The following FRMPD3 variants were observed in gnomAD, a reference collection of about 807,000 sequenced individuals.
FRMPD3 encodes FERM and PDZ domain-containing protein 3.
A neutral mutation model predicts 97.9 loss-of-function variants in FRMPD3; 42 were observed. The observed-to-expected ratio is 0.43, with a 90% CI of 0.34 to 0.55. FRMPD3 has a LOEUF of 0.55. Among genes scored for constraint, FRMPD3 ranks in the 20% least tolerant of loss-of-function variants. FRMPD3 has a pLI of 0.03. For synonymous variants in FRMPD3, 577 were observed against 581.1 expected, an observed-to-expected ratio of 0.99 and a Z score of 0.10; for missense variants, 1,303 against 1,457.7, an observed-to-expected ratio of 0.89 and a Z score of 1.73.
chrX:107,462,618 G>C (rs1170873356), intron 1 of FRMPD3, among the ~76,000 whole-genome samples: 1 of 111,792 alleles, frequency 8.9e-6, no homozygotes, highest in Non-Finnish European at 1.9e-5. Context: ...CTGGAATTCT[G>C]CTGACTCTGA....
intron 13 of FRMPD3, among the ~76,000 whole-genome samples, chrX:107,583,309 A>C (rs1349916006): frequency 2.8e-5 from 3 of 107,400 alleles, no homozygotes; most frequent in Non-Finnish European, 1.9e-5. Flanking sequence ...TCATTGTTCA[A>C]CTCCCATTTA....
intron 13 of FRMPD3, among the ~76,000 whole-genome samples, chrX:107,580,434 C>T (rs968601115): frequency 8.9e-5 from 10 of 111,909 alleles, no homozygotes; most frequent in Non-Finnish European, 1.9e-4. Context: ...AAGTGGTGGA[C>T]AGGGCATTAC....
Position 107,603,358 on chromosome X carries a change from A to G in FRMPD3, c.5319A>G (p.Lys1773=). 8.7e-7 allele frequency: 1 copy of G among 1,144,126 alleles called. No homozygotes were observed. The highest frequency in any genetic ancestry group is 1.2e-6 in the Non-Finnish European group (1 of 860,543). The allele number at this position is 1,144,126 out of a possible 1,213,427, so 94.3% of individuals were successfully genotyped here. A position where few individuals can be genotyped will look rare whatever the true frequency, so the allele number is the denominator to read the frequency against. ...TGAGCACATTCACCCACTCCTTAAA[A>G]ACCCTTATTAAGTAGGGCATCTGCC... is the stretch of plus-strand genomic sequence containing the variant. ...TVMSTFTHSL[K]TLIK is the part of the protein sequence containing the mutation. Residue 1773 remains lysine (K), a synonymous_variant, in exon 15 of 15, where the codon AAA becomes AAG. Coordinates refer to ENST00000683843, the MANE Select transcript of FRMPD3 (RefSeq NM_001388459.1).
chrX:107,530,565 A>G, intron 3 of FRMPD3, 54 bp downstream of exon 3: 1 of 861,315 alleles, frequency 1.2e-6, no homozygotes. Flanking sequence ...CTGACTCACC[A>G]GTGACATGGG....
chrX:107,509,356 G>A (rs1379993707), intron 1 of FRMPD3, among the ~76,000 whole-genome samples: 1 of 111,460 alleles, frequency 9.0e-6, no homozygotes. Flanking sequence ...CTCATGAGAG[G>A]GAGACCTTCC....
intron 2 of FRMPD3, among the ~76,000 whole-genome samples, chrX:107,527,175 A>T (rs1458912455): frequency 6.2e-5 from 7 of 112,117 alleles, no homozygotes; most frequent in Non-Finnish European, 1.1e-4. Flanking sequence ...GGAGACATGT[A>T]TATACTCATG....
At chrX:107,509,920 C>A in intron 1 of FRMPD3, among the ~76,000 whole-genome samples, 1 of 111,115 alleles carries the variant, frequency 9.0e-6, no homozygotes, top group East Asian at 2.8e-4. Flanking sequence ...GCTCAGTAAA[C>A]TTTTATTACA....
intron 1 of FRMPD3, among the ~76,000 whole-genome samples, chrX:107,460,140 T>C (rs1931444726): frequency 9.0e-6 from 1 of 111,048 alleles, no homozygotes; most frequent in South Asian, 3.8e-4. Context: ...AGTTTGTATG[T>C]TTACTACCCT....
In FRMPD3 at chrX:107,584,110, A is replaced by G. The variant is rs1197437846; in HGVS notation, c.1441+7651A>G. Among the ~76,000 whole-genome samples the G allele has an allele frequency of 3.6e-5, 4 of 110,707 alleles. No individual in the cohort carries two copies. The East Asian group carries it at 1.1e-3, about 31-fold the overall frequency. ...TCGAACTCCTGACCTCAGGTGATCCACCTGCCTTGGCCTCCCAAAGTGTTT... is the reference window on the plus strand; with the variant it reads ...TCGAACTCCTGACCTCAGGTGATCCGCCTGCCTTGGCCTCCCAAAGTGTTT... On this transcript the variant is annotated intron_variant, in intron 13 of 14. Coordinates refer to ENST00000683843, the MANE Select transcript of FRMPD3 (RefSeq NM_001388459.1).
chrX:107,543,160 G>A (rs1439260118), intron 4 of FRMPD3, among the ~76,000 whole-genome samples: 1 of 111,092 alleles, frequency 9.0e-6, no homozygotes, highest in Non-Finnish European at 1.9e-5. Flanking sequence ...TCTACACTCT[G>A]TTTTCCACAC....
Position 107,601,205 on chromosome X carries a change from G to A in FRMPD3, c.3166G>A (p.Val1056Ile), listed in dbSNP as rs1361532130. 3 of 1,208,685 alleles carry A rather than the reference G, an allele frequency of 2.5e-6. No homozygotes were observed. The highest frequency in any genetic ancestry group is 1.8e-5 in the South Asian group (1 of 56,641). ...HLSQQEDSLP[V>I]QNFPPKSYLL... ...CTCCCAACAAGAGGACAGTCTGCCT[G>A]TTCAAAATTTCCCTCCCAAAAGCTA... The change falls in exon 15 of 15, where the codon GTT (valine) becomes ATT (isoleucine). Residue 1056 changes from valine to isoleucine, a missense_variant. Transcript: ENST00000683843.
intron 1 of FRMPD3, among the ~76,000 whole-genome samples, chrX:107,524,922 G>A (rs1221213447): frequency 9.5e-6 from 1 of 104,752 alleles, no homozygotes; most frequent in Non-Finnish European, 1.9e-5. Context: ...CTTGAACCTG[G>A]GAGGTGGAGG....
chrX:107,557,687 GTGTGTGT>G (rs1457178528), intron 8 of FRMPD3, among the ~76,000 whole-genome samples: 3 of 98,498 alleles, frequency 3.0e-5, no homozygotes, highest in African/African-American at 1.1e-4. Context: ...GTGTGTGTGT[GTGTGTGT>G]TTTTTTTTGC....
intron 8 of FRMPD3, among the ~76,000 whole-genome samples, chrX:107,557,796 T>C (rs1255943296): frequency 4.7e-5 from 2 of 42,405 alleles, no homozygotes; most frequent in Non-Finnish European, 7.8e-5. Flanking sequence ...AAATCTGTTG[T>C]CTATATATAT....
At position 107,601,247 on chromosome X, in the gene FRMPD3, C is replaced by T. The variant is rs1285250408; in HGVS notation, c.3208C>T (p.Arg1070Ter). The T allele has an allele frequency of 3.3e-6, 4 of 1,209,354 alleles. No homozygotes were observed. Among genetic ancestry groups the T allele is most frequent in the East Asian group, 3.0e-5 (1 of 33,774 alleles). ...PPKSYLLRTS[R>*]ESVGKQATGE... is the part of the protein sequence containing the mutation. ...CAAAAGCTATCTTTTGCGAACAAGCCGAGAGTCAGTGGGCAAGCAAGCTAC... is the reference window on the plus strand; with the variant it reads ...CAAAAGCTATCTTTTGCGAACAAGCTGAGAGTCAGTGGGCAAGCAAGCTAC... The change falls in exon 15 of 15, where the codon CGA becomes TGA. Residue 1070 changes from arginine (R) to a stop codon, truncating the protein, a stop_gained. Transcript: ENST00000683843. LOFTEE classifies it high-confidence loss of function.
intron 13 of FRMPD3, among the ~76,000 whole-genome samples, chrX:107,589,676 C>T (rs1245672717): frequency 8.9e-6 from 1 of 112,083 alleles, no homozygotes; most frequent in East Asian, 2.8e-4. Flanking sequence ...CGCTGTCCTC[C>T]TTTTTAAATT....
At chrX:107,520,253 G>A (rs956873959) in intron 1 of FRMPD3, among the ~76,000 whole-genome samples, 47 of 110,820 alleles carry the variant, frequency 4.2e-4, no homozygotes, top group African/African-American at 1.5e-3. Flanking sequence ...AAGGGAGGCT[G>A]CTCTTACAGA....
At chrX:107,474,619 C>T (rs1921151342) in intron 1 of FRMPD3, among the ~76,000 whole-genome samples, 1 of 111,150 alleles carries the variant, frequency 9.0e-6, no homozygotes, top group South Asian at 3.9e-4. Context: ...TCTGAAAACT[C>T]CCTTTGCCAC....
intron 1 of FRMPD3, among the ~76,000 whole-genome samples, chrX:107,473,864 A>G (rs1602753373): frequency 8.9e-6 from 1 of 112,098 alleles, no homozygotes; most frequent in Non-Finnish European, 1.9e-5. Context: ...CGGGTGGATC[A>G]CCTGAGGTCA....
Sources: gnomAD v4.1 joint callset for allele counts (sites outside exome capture counted in the v4.1 genomes callset) on GRCh38, gnomAD v4.1.1 for gene constraint, MANE v1.5 for transcripts, NCBI Gene and HGNC (gene_info 2026-07-23, HGNC 2026-07-21) for gene names.